Variants in POU6F2 observed in about 807,000 individuals in gnomAD.
The protein encoded by POU6F2 is POU domain, class 6, transcription factor 2.
In POU6F2, 31 loss-of-function variants were observed where a neutral mutation model predicts 71.3. The observed-to-expected ratio is 0.43, with a 90% CI of 0.33 to 0.59. The LOEUF (loss-of-function observed/expected upper bound fraction) is 0.59, where lower values mean the gene tolerates loss of function less well. Among genes scored for constraint, POU6F2 ranks in the 20% least tolerant of loss-of-function variants. The pLI, the probability that POU6F2 is intolerant of heterozygous loss-of-function variation, is 0.04. For missense variants in POU6F2, 783 were observed against 856.8 expected (o/e 0.91, Z 1.07); for synonymous variants, 347 against 355.7 (o/e 0.98, Z 0.27).
At chr7:39,306,789 T>C (rs1010372516) in intron 4 of POU6F2, among the ~76,000 whole-genome samples, 2 of 152,242 alleles carry the variant, frequency 1.3e-5, no homozygotes, top group Non-Finnish European at 2.9e-5. Context: ...GTCTGGAGCA[T>C]GATTTTATAT....
At chr7:39,371,475 G>A (rs754324467) in intron 5 of POU6F2, among the ~76,000 whole-genome samples, 10 of 152,116 alleles carry the variant, frequency 6.6e-5, no homozygotes, top group Admixed American at 3.9e-4. Flanking sequence ...CACCACGCCC[G>A]GCCGAGAATG....
chr7:39,126,720 T>A (rs1295792641), intron 2 of POU6F2, among the ~76,000 whole-genome samples: 1 of 152,226 alleles, frequency 6.6e-6, no homozygotes, highest in Non-Finnish European at 1.5e-5. Flanking sequence ...TAATGCTGCA[T>A]GTGAGAAAGC....
intron 4 of POU6F2, among the ~76,000 whole-genome samples, chr7:39,327,725 A>T (rs1785541173): frequency 6.6e-6 from 1 of 151,922 alleles, no homozygotes. Flanking sequence ...ATATAGACAT[A>T]TATATAAAAT....
At chr7:39,192,039 G>T (rs1333830709) in intron 2 of POU6F2, among the ~76,000 whole-genome samples, 2 of 152,126 alleles carry the variant, frequency 1.3e-5, no homozygotes, top group African/African-American at 4.8e-5. Context: ...TTTGAAGAAG[G>T]TTTGAAACTC....
intron 6 of POU6F2, among the ~76,000 whole-genome samples, chr7:39,419,256 TG>T (rs1047026626): frequency 1.3e-5 from 2 of 151,656 alleles, no homozygotes; most frequent in African/African-American, 4.8e-5. Context: ...GCTTGTTTTT[TG>T]GGACTGAATC....
At chr7:39,197,335 G>T (rs1793808647) in intron 2 of POU6F2, among the ~76,000 whole-genome samples, 1 of 152,232 alleles carries the variant, frequency 6.6e-6, no homozygotes, top group Admixed American at 6.5e-5. Context: ...CAGCCGGAAG[G>T]TTACAATCCC....
chr7:39,170,527 CT>C lies in POU6F2; in HGVS notation c.278-33707del, dbSNP rs201206391. Reference sequence around the variant, plus strand: ...ATCATTATATATATTTAATCATAAACTAGGAACAATAGAGATATAATAGATG... The same window carrying C: ...ATCATTATATATATTTAATCATAAACAGGAACAATAGAGATATAATAGATG... On this transcript the variant is annotated intron_variant, in intron 2 of 9. Transcript: ENST00000518318. Among the ~76,000 whole-genome samples the C allele has an allele frequency of 2.2e-3, 341 of 152,160 alleles. 1 individual carries two copies. Among genetic ancestry groups the C allele is most frequent in the African/African-American group, 7.7e-3 (319 of 41,522 alleles).
At chr7:39,349,362 G>A (rs963248491) in intron 5 of POU6F2, among the ~76,000 whole-genome samples, 1 of 151,898 alleles carries the variant, frequency 6.6e-6, no homozygotes, top group African/African-American at 2.4e-5. Context: ...TCACACAACC[G>A]GAGTCCTGCC....
chr7:39,090,339 G>A (rs1489082010), intron 2 of POU6F2, among the ~76,000 whole-genome samples: 1 of 152,022 alleles, frequency 6.6e-6, no homozygotes, highest in Non-Finnish European at 1.5e-5. Flanking sequence ...TGGCAGTAGA[G>A]TCGCTTTCAA....
intron 2 of POU6F2, among the ~76,000 whole-genome samples, chr7:39,173,986 T>C (rs1332574939): frequency 1.3e-5 from 2 of 152,182 alleles, no homozygotes; most frequent in African/African-American, 4.8e-5. Context: ...CAGAAATAAC[T>C]GAAAAGAGAG....
chr7:39,380,405 A>G (rs1274494131), intron 5 of POU6F2, among the ~76,000 whole-genome samples: 2 of 152,216 alleles, frequency 1.3e-5, no homozygotes, highest in Non-Finnish European at 2.9e-5. Context: ...GGTAAATATT[A>G]TTACATGTAT....
Position 39,237,170 on chromosome 7 carries a change from G to A in POU6F2, c.598+29550G>A, listed in dbSNP as rs149040222. On this transcript the variant is annotated intron_variant, in intron 4 of 9. Transcript: ENST00000518318. ...GCCTGAATGAAGCTGGAGAGAGAAG[G>A]CGCATCAGCAAATGGAAAACCAAGG... Among the ~76,000 whole-genome samples, 53 of 152,282 alleles carry A rather than the reference G, an allele frequency of 3.5e-4. 2 individuals carry two copies. The South Asian group carries it at 0.011, about 32-fold the overall frequency.
In POU6F2 at chr7:39,464,442, G is replaced by A. The variant is rs200415799; in HGVS notation, c.1919G>A (p.Arg640His). 1.9e-6 allele frequency: 3 copies of A among 1,613,836 alleles called. No individual in the cohort carries two copies. The highest frequency in any genetic ancestry group is 1.3e-5 in the African/African-American group (1 of 74,920). The stretch of plus-strand genomic sequence containing the variant: ...GAACCATCCAAAAAGCGCAAGCGGC[G>A]CACCTCCTTCACACCCCAGGCCCTT... ...GSEPSKKRKR[R>H]TSFTPQALEI... The change falls in exon 10 of 10, where the codon CGC becomes CAC. Residue 640 changes from arginine to histidine, a missense_variant. Around this residue, in one of 2 missense-constraint regions of POU6F2, gnomAD observed 211 missense variants for 283.9 expected, o/e 0.74. Coordinates refer to ENST00000518318, the MANE Select transcript of POU6F2 (RefSeq NM_001370959.1). The surrounding 1 kb of genome is among the most constrained non-coding windows in gnomAD (Gnocchi z 4.1).
At chr7:39,439,169 G>A (rs1486573439) in intron 7 of POU6F2, among the ~76,000 whole-genome samples, 3 of 145,738 alleles carry the variant, frequency 2.1e-5, no homozygotes, top group Admixed American at 2.0e-4. Flanking sequence ...TCAGAGACTA[G>A]GATTGCAACC....
intron 4 of POU6F2, among the ~76,000 whole-genome samples, chr7:39,235,292 G>A (rs189949838): frequency 4.5e-4 from 68 of 152,236 alleles, no homozygotes; most frequent in African/African-American, 1.6e-3. Flanking sequence ...ATGTATCTGG[G>A]CAGATCATAA....
chr7:39,159,016 TA>T (rs78235966), intron 2 of POU6F2, among the ~76,000 whole-genome samples: 154 of 143,764 alleles, frequency 1.1e-3, no homozygotes, highest in African/African-American at 1.2e-3. Context: ...TACTAACAAT[TA>T]AAAAAAAAAA....
At chr7:39,277,042 TAAAGTC>T (rs1423799796) in intron 4 of POU6F2, among the ~76,000 whole-genome samples, 1 of 152,144 alleles carries the variant, frequency 6.6e-6, no homozygotes, top group Non-Finnish European at 1.5e-5. Context: ...CCCTAAAACT[TAAAGTC>T]TAATAATAAT....
chr7:39,261,578 A>G (rs1784140364), intron 4 of POU6F2, among the ~76,000 whole-genome samples: 1 of 152,190 alleles, frequency 6.6e-6, no homozygotes, highest in Non-Finnish European at 1.5e-5. Context: ...TTTACAGATG[A>G]GAAAACAGGC....
At chr7:39,243,656 T>C (rs894844850) in intron 4 of POU6F2, among the ~76,000 whole-genome samples, 5 of 151,988 alleles carry the variant, frequency 3.3e-5, no homozygotes, top group African/African-American at 9.7e-5. Flanking sequence ...GTAGTATCAG[T>C]AATTTATTCT....
Sources: allele counts gnomAD v4.1 joint callset (sites outside exome capture counted in the v4.1 genomes callset), GRCh38; gene constraint gnomAD v4.1.1; regional missense constraint gnomAD v4.1.1; non-coding constraint Gnocchi (gnomAD v3.1); transcripts MANE v1.5; gene names NCBI Gene and HGNC (gene_info 2026-07-23, HGNC 2026-07-21).